Variants in KIF16B observed in about 807,000 individuals in gnomAD.
KIF16B encodes kinesin family member 16B.
Under a neutral mutation model 156.3 loss-of-function variants are expected in KIF16B, and 98 were observed. The ratio of observed to expected loss-of-function variants is 0.63; its 90% CI spans 0.53 to 0.74. The LOEUF (loss-of-function observed/expected upper bound fraction) is 0.74, where lower values mean the gene tolerates loss of function less well. Ranked by LOEUF, KIF16B falls within the 30% of genes least tolerant of loss-of-function variation. The probability of loss-of-function intolerance (pLI) is 0.00; values close to 1 mark genes in which losing one functional copy is unlikely to be tolerated. For synonymous variants in KIF16B, 564 were observed against 583.7 expected (o/e 0.97, Z 0.49); for missense variants, 1,421 against 1,606.5 (o/e 0.88, Z 1.97).
intron 15 of KIF16B, 124 bp downstream of exon 15, chr20:16,426,980 C>G: frequency 2.6e-6 from 2 of 762,536 alleles, no homozygotes; most frequent in Non-Finnish European, 3.9e-6. Context: ...TTGAAGCAAA[C>G]AGTCTCACCC....
chr20:16,301,722 C>T (rs7268680), intron 25 of KIF16B, among the ~76,000 whole-genome samples: 17,244 of 151,996 alleles, frequency 0.11, 1,139 homozygotes, highest in African/African-American at 0.18. Flanking sequence ...GTGATGCTAT[C>T]GTGGCTCACT....
chr20:16,549,694 A>T (rs28797824), intron 1 of KIF16B, among the ~76,000 whole-genome samples: 4,750 of 147,188 alleles, frequency 0.032, 109 homozygotes, highest in Middle Eastern at 0.066. Context: ...ATAACGCCGC[A>T]TACCTACAAC....
intron 17 of KIF16B, among the ~76,000 whole-genome samples, chr20:16,393,125 A>G (rs2065410606): frequency 6.6e-6 from 1 of 152,250 alleles, no homozygotes; most frequent in South Asian, 2.1e-4. Flanking sequence ...TAAATACTCT[A>G]TATAATGCAT....
chr20:16,514,506 CT>C (rs2069066196), intron 4 of KIF16B, among the ~76,000 whole-genome samples: 1 of 149,004 alleles, frequency 6.7e-6, no homozygotes, highest in African/African-American at 2.5e-5. Context: ...CCTCAATCAT[CT>C]TCCACTAGTG....
intron 17 of KIF16B, among the ~76,000 whole-genome samples, chr20:16,385,373 A>G (rs1447588075): frequency 6.6e-6 from 1 of 152,124 alleles, no homozygotes; most frequent in African/African-American, 2.4e-5. Context: ...AGAGAAAGAA[A>G]AAGTCAAAGA....
intron 25 of KIF16B, among the ~76,000 whole-genome samples, chr20:16,306,848 T>C (rs150788443): frequency 4.9e-4 from 75 of 152,340 alleles, no homozygotes; most frequent in African/African-American, 1.8e-3. Context: ...GATTCCGTGT[T>C]GTATATGCAA....
intron 1 of KIF16B, among the ~76,000 whole-genome samples, chr20:16,552,387 A>G (rs902074140): frequency 1.3e-5 from 2 of 152,228 alleles, no homozygotes; most frequent in Admixed American, 1.3e-4. Context: ...CATATGCAAT[A>G]TTAACACGCA....
intron 3 of KIF16B, among the ~76,000 whole-genome samples, chr20:16,524,287 C>G (rs954788556): frequency 6.6e-6 from 1 of 151,974 alleles, no homozygotes; most frequent in Non-Finnish European, 1.5e-5. Context: ...TGACAAAGGG[C>G]TAATATCCAG....
At chr20:16,324,073 A>T (rs907755778) in intron 24 of KIF16B, among the ~76,000 whole-genome samples, 1 of 151,996 alleles carries the variant, frequency 6.6e-6, no homozygotes. Flanking sequence ...GTGAATATTA[A>T]ATATTTCATT....
chr20:16,343,325 A>G (rs1206847818), intron 23 of KIF16B, among the ~76,000 whole-genome samples: 2 of 152,200 alleles, frequency 1.3e-5, no homozygotes, highest in Non-Finnish European at 2.9e-5. Flanking sequence ...TTGCTGGTTT[A>G]AGGATTGCCA....
At chr20:16,543,041 ACT>A (rs1190811294) in intron 1 of KIF16B, among the ~76,000 whole-genome samples, 1 of 151,896 alleles carries the variant, frequency 6.6e-6, no homozygotes, top group African/African-American at 2.4e-5. Context: ...GACAAACACT[ACT>A]CTCTGAGGAG....
chr20:16,512,799 CACAGTT>C (rs777473917), intron 5 of KIF16B, 21 bp downstream of exon 5: 4 of 1,517,656 alleles, frequency 2.6e-6, no homozygotes, highest in Non-Finnish European at 3.7e-6. Flanking sequence ...CAAGCTCACA[CACAGTT>C]ACCCAGGCCA....
intron 12 of KIF16B, among the ~76,000 whole-genome samples, chr20:16,489,292 T>G (rs2068216141): frequency 6.6e-6 from 1 of 151,688 alleles, no homozygotes; most frequent in Non-Finnish European, 1.5e-5. Flanking sequence ...CTCTCCAATC[T>G]CCACAGGGAT....
intron 1 of KIF16B, among the ~76,000 whole-genome samples, chr20:16,556,361 A>C (rs8119828): frequency 0.072 from 10,911 of 152,212 alleles, 1,304 homozygotes; most frequent in African/African-American, 0.25. Flanking sequence ...CTACCCGGAG[A>C]CTCCAGAGAG....
At chr20:16,440,533 G>GCACACACACACACACACA (rs71192333) in intron 12 of KIF16B, among the ~76,000 whole-genome samples, 1 of 138,252 alleles carries the variant, frequency 7.2e-6, no homozygotes, top group Admixed American at 7.3e-5. Flanking sequence ...ACAAGCGCGC[G>GCACACACACACACACACA]CACACACACA....
intron 25 of KIF16B, among the ~76,000 whole-genome samples, chr20:16,306,458 T>C (rs1233828781): frequency 1.3e-5 from 2 of 152,172 alleles, no homozygotes; most frequent in Non-Finnish European, 2.9e-5. Context: ...TCCACCATGA[T>C]TAAATCTTTC....
intron 7 of KIF16B, 95 bp downstream of exon 7, chr20:16,507,863 T>C: frequency 1.5e-6 from 2 of 1,327,974 alleles, no homozygotes; most frequent in Non-Finnish European, 2.1e-6. Context: ...TACCTGCTGC[T>C]GCTCCTGGTT....
At chr20:16,334,747 T>C (rs2064006532) in intron 24 of KIF16B, among the ~76,000 whole-genome samples, 1 of 152,160 alleles carries the variant, frequency 6.6e-6, no homozygotes, top group South Asian at 2.1e-4. Flanking sequence ...TCTTGCTCCC[T>C]GTCTCCCCAT....
intron 17 of KIF16B, among the ~76,000 whole-genome samples, chr20:16,402,549 A>G (rs1212211683): frequency 6.6e-6 from 1 of 152,210 alleles, no homozygotes; most frequent in African/African-American, 2.4e-5. Context: ...AAAGTCAGGA[A>G]TAGCATCCAC....
Sources: allele counts gnomAD v4.1 joint callset (sites outside exome capture counted in the v4.1 genomes callset), GRCh38; gene constraint gnomAD v4.1.1; transcripts MANE v1.5; gene names NCBI Gene and HGNC (gene_info 2026-07-23, HGNC 2026-07-21).